The following USH2A variants were observed in gnomAD, a reference collection of about 807,000 sequenced individuals.
The protein encoded by USH2A is usherin.
In USH2A, 443 loss-of-function variants were observed where a neutral mutation model predicts 538.9. The ratio of observed to expected loss-of-function variants is 0.82; its 90% CI spans 0.76 to 0.89. USH2A has a LOEUF of 0.89. Ranked by LOEUF, USH2A falls within the 40% of genes least tolerant of loss-of-function variation. USH2A has a pLI of 0.00. For synonymous variants in USH2A, 2,413 were observed against 2,273.5 expected, an observed-to-expected ratio of 1.06 and a Z score of -1.75; for missense variants, 6,633 against 6,324.8, an observed-to-expected ratio of 1.05 and a Z score of -1.65.
intron 60 of USH2A, among the ~76,000 whole-genome samples, chr1:215,732,610 C>T (rs563138392): frequency 4.7e-5 from 6 of 128,304 alleles, no homozygotes; most frequent in South Asian, 5.0e-4. Flanking sequence ...GGGGCAATCT[C>T]GGCTCACTGC....
At chr1:215,894,438 A>T (rs1665275149) in intron 40 of USH2A, among the ~76,000 whole-genome samples, 1 of 152,178 alleles carries the variant, frequency 6.6e-6, no homozygotes, top group Admixed American at 6.5e-5. Context: ...AATTATCTTG[A>T]TCAATTTATC....
intron 14 of USH2A, among the ~76,000 whole-genome samples, chr1:216,227,904 G>A (rs769087218): frequency 1.3e-4 from 20 of 152,196 alleles, no homozygotes; most frequent in African/African-American, 4.6e-4. Context: ...CAGGGCAGGT[G>A]TAGGGTGATC....
intron 32 of USH2A, among the ~76,000 whole-genome samples, chr1:216,021,983 TAGCTCCC>T (rs965127348): frequency 6.5e-4 from 99 of 152,198 alleles, no homozygotes; most frequent in African/African-American, 2.3e-3. Context: ...TTCTCACTCT[TAGCTCCC>T]ACAAGAACTG....
chr1:216,007,760 C>T (rs1668442293), intron 32 of USH2A, among the ~76,000 whole-genome samples: 1 of 152,224 alleles, frequency 6.6e-6, no homozygotes. Context: ...GGTGGCCACA[C>T]TCCAGATGCT....
intron 30 of USH2A, among the ~76,000 whole-genome samples, chr1:216,069,773 G>A (rs980859110): frequency 6.6e-6 from 1 of 152,096 alleles, no homozygotes; most frequent in Non-Finnish European, 1.5e-5. Context: ...TTTGCTTTGT[G>A]AAATAAGTAT....
intron 67 of USH2A, among the ~76,000 whole-genome samples, chr1:215,642,533 T>G (rs1320236187): frequency 6.6e-6 from 1 of 152,210 alleles, no homozygotes. Context: ...GAGTCATTGT[T>G]AAATCCGGCC....
At chr1:216,354,631 C>CA (rs1475987527) in intron 4 of USH2A, among the ~76,000 whole-genome samples, 1 of 151,694 alleles carries the variant, frequency 6.6e-6, no homozygotes. Flanking sequence ...AGCCTAGACA[C>CA]AAAAGAGAAA....
At chr1:215,958,918 G>T (rs1415115421) in intron 37 of USH2A, among the ~76,000 whole-genome samples, 2 of 152,028 alleles carry the variant, frequency 1.3e-5, no homozygotes, top group East Asian at 3.9e-4. Context: ...AACATAAGAA[G>T]AAAGTTAAAT....
chr1:216,199,737 A>G lies in USH2A; in HGVS notation c.3701T>C (p.Ile1234Thr). The G allele has an allele frequency of 6.2e-7, 1 of 1,614,074 alleles. No homozygotes were observed. The highest frequency in any genetic ancestry group is 8.5e-7 in the Non-Finnish European group (1 of 1,180,002). The change falls in exon 17 of 72, where the codon ATT becomes ACT. Residue 1234 changes from isoleucine to threonine, a missense_variant. By Grantham distance (89) the Ile-to-Thr change is moderately conservative. Coordinates refer to ENST00000307340, the MANE Select transcript of USH2A (RefSeq NM_206933.4). ...TSGGCLHSLP[I>T]TVTTAQAPPQ... ...AGGGGCCTGGGCTGTGGTCACTGTA[A>G]TGGGCAAGCTGTGTAAACAGCCCCC...
At chr1:215,755,647 C>T (rs1405273534) in intron 58 of USH2A, among the ~76,000 whole-genome samples, 1 of 152,064 alleles carries the variant, frequency 6.6e-6, no homozygotes, top group Non-Finnish European at 1.5e-5. Flanking sequence ...GGATTCTGTG[C>T]ATCTTAAACT....
At chr1:216,148,378 CCTT>C (rs2033757229) in intron 21 of USH2A, among the ~76,000 whole-genome samples, 1 of 151,912 alleles carries the variant, frequency 6.6e-6, no homozygotes, top group Non-Finnish European at 1.5e-5. Context: ...TCATTGCCGC[CCTT>C]CTTCCCAATC....
At chr1:215,784,227 AG>A (rs1393325413) in intron 52 of USH2A, among the ~76,000 whole-genome samples, 1 of 152,174 alleles carries the variant, frequency 6.6e-6, no homozygotes, top group African/African-American at 2.4e-5. Context: ...GAAGGAGTAT[AG>A]AAAGACACTG....
At chr1:216,267,398 AC>A (rs762063197) in intron 11 of USH2A, among the ~76,000 whole-genome samples, 10 of 152,156 alleles carry the variant, frequency 6.6e-5, no homozygotes, top group Non-Finnish European at 1.3e-4. Flanking sequence ...ATGAGCCTAG[AC>A]AAGTCTTTTA....
At chr1:216,335,326 T>C (rs911959348) in intron 4 of USH2A, among the ~76,000 whole-genome samples, 11 of 151,622 alleles carry the variant, frequency 7.3e-5, no homozygotes, top group African/African-American at 2.2e-4. Context: ...TAAACACTTA[T>C]ATTTAAAGAG....
intron 47 of USH2A, among the ~76,000 whole-genome samples, chr1:215,837,256 G>A (rs1353964635): frequency 6.6e-6 from 1 of 151,940 alleles, no homozygotes; most frequent in African/African-American, 2.4e-5. Flanking sequence ...GTGTGTGTAT[G>A]TGTCTGTGTG....
intron 58 of USH2A, among the ~76,000 whole-genome samples, chr1:215,757,701 T>C (rs568631649): frequency 7.9e-4 from 121 of 152,330 alleles, no homozygotes; most frequent in African/African-American, 2.9e-3. Flanking sequence ...GTCAGGATTT[T>C]ACCTGAGGAT....
rs1449390237 is a variant in USH2A, at chr1:215,888,495, G to A, written c.8154C>T (p.Thr2718=). 2.5e-6 allele frequency: 4 copies of A among 1,614,100 alleles called. No homozygotes were observed. In the Admixed American group the frequency reaches 6.7e-5, roughly 27 times the overall value. Residue 2718 remains threonine, a synonymous_variant, in exon 41 of 72, where the codon ACC becomes ACT. Transcript: ENST00000307340. The part of the protein sequence containing the change: ...GTNSSAWVEV[T]TRPSRPAGVQ... ...CCCCAGCAGGTCGTGAGGGTCTTGTGGTAACTTCTACCCAAGCACTGCTGT... is the reference window on the plus strand; with the variant it reads ...CCCCAGCAGGTCGTGAGGGTCTTGTAGTAACTTCTACCCAAGCACTGCTGT...
intron 32 of USH2A, among the ~76,000 whole-genome samples, chr1:216,019,387 C>A (rs73092696): frequency 0.015 from 2,222 of 152,148 alleles, 44 homozygotes; most frequent in African/African-American, 0.051. Context: ...CATTAAAGAC[C>A]AGGCTAATAA....
chr1:215,966,785 T>G (rs925395596), intron 36 of USH2A, among the ~76,000 whole-genome samples: 14 of 152,168 alleles, frequency 9.2e-5, no homozygotes, highest in African/African-American at 3.4e-4. Context: ...TTATTGTACA[T>G]AGAATGATTT....
Sources: allele counts gnomAD v4.1 joint callset (sites outside exome capture counted in the v4.1 genomes callset), GRCh38; gene constraint gnomAD v4.1.1; transcripts MANE v1.5; gene names NCBI Gene and HGNC (gene_info 2026-07-23, HGNC 2026-07-21).